The following LPP variants were observed in gnomAD, a reference collection of about 807,000 sequenced individuals.
The protein encoded by LPP is LIM domain containing preferred translocation partner in lipoma, also known as lipoma-preferred partner.
In LPP, 38 loss-of-function variants were observed where a neutral mutation model predicts 60.4. The observed-to-expected ratio is 0.63, with a 90% CI of 0.49 to 0.83. The LOEUF is 0.83. Ranked by LOEUF, LPP falls within the 40% of genes least tolerant of loss-of-function variation. The pLI is 0.00. For missense variants in LPP, 902 were observed against 783.6 expected, an observed-to-expected ratio of 1.15 and a Z score of -1.80; for synonymous variants, 328 against 290.8, an observed-to-expected ratio of 1.13 and a Z score of -1.30.
chr3:188,205,007 AGTACCTGCTACTTATT>A (rs1183581124), intron 1 of LPP, among the ~76,000 whole-genome samples: 1 of 152,238 alleles, frequency 6.6e-6, no homozygotes, highest in Non-Finnish European at 1.5e-5. Flanking sequence ...GAAAGAAACC[AGTACCTGCTACTTATT>A]GGGCACCTTT....
chr3:188,873,370 C>T (rs563569425), intron 11 of LPP, among the ~76,000 whole-genome samples: 2 of 152,232 alleles, frequency 1.3e-5, no homozygotes, highest in African/African-American at 4.8e-5. Context: ...ATAGCAGAGG[C>T]GAGGTTCATA....
chr3:188,422,650 G>T (rs1203480985), intron 4 of LPP, among the ~76,000 whole-genome samples: 1 of 152,126 alleles, frequency 6.6e-6, no homozygotes, highest in African/African-American at 2.4e-5. Flanking sequence ...AACCTAAAAT[G>T]CATGCCTTGT....
At chr3:188,683,263 T>C (rs947906643) in intron 7 of LPP, among the ~76,000 whole-genome samples, 2 of 151,940 alleles carry the variant, frequency 1.3e-5, no homozygotes, top group Admixed American at 1.3e-4. Context: ...TGACCGTGAG[T>C]CAGACTGTGG....
chr3:188,448,407 A>G (rs77631021), intron 4 of LPP, among the ~76,000 whole-genome samples: 4 of 4,988 alleles, frequency 8.0e-4, no homozygotes, highest in Non-Finnish European at 3.7e-3. Flanking sequence ...TATTTAGATA[A>G]AGATATCTAT....
In LPP at chr3:188,890,195, C is replaced by T. The variant is rs536634432; in HGVS notation, c.*15716C>T. On this transcript the variant is annotated 3_prime_UTR_variant, in exon 12 of 12. Transcript: ENST00000617246. ...AGAGCAGCACTTCCTACTAGCTAAG[C>T]ACAATCATAGCCCCACCGTGATGAG... 14 of 218,314 alleles carry T rather than the reference C, an allele frequency of 6.4e-5. No homozygotes were observed. Among genetic ancestry groups the T allele is most frequent in the Non-Finnish European group, 1.1e-4 (12 of 108,576 alleles). 13.5% of individuals were successfully genotyped at this position (218,314 alleles called of 1,614,324 possible).
At chr3:188,369,563 A>T (rs909678600) in intron 3 of LPP, among the ~76,000 whole-genome samples, 4 of 152,194 alleles carry the variant, frequency 2.6e-5, no homozygotes, top group African/African-American at 9.7e-5. Flanking sequence ...CTTGTAAACT[A>T]CAAAGCATCT....
At position 188,708,344 on chromosome 3, in the gene LPP, CA is replaced by C; in HGVS notation, c.1196del (p.Lys399ArgfsTer25). ...CAGAGGATGAGCTTGAGCACCTGACCAAAAAGATGCTGTATGACATGGAAAA... is the reference window on the plus strand; with the variant it reads ...CAGAGGATGAGCTTGAGCACCTGACCAAAAGATGCTGTATGACATGGAAAA... ...RPEDELEHLT[K>X]KMLYDMENPP... On this transcript the variant is annotated frameshift_variant, in exon 8 of 12. Transcript: ENST00000617246. LOFTEE classifies it high-confidence loss of function. 1 of 1,614,088 alleles carries C rather than the reference CA, an allele frequency of 6.2e-7. No homozygotes were observed. Among genetic ancestry groups the C allele is most frequent in the Non-Finnish European group, 8.5e-7 (1 of 1,179,994 alleles).
intron 9 of LPP, among the ~76,000 whole-genome samples, chr3:188,821,120 A>T (rs1054261800): frequency 2.0e-5 from 3 of 149,310 alleles, no homozygotes; most frequent in African/African-American, 7.4e-5. Context: ...GTAGCCTCTG[A>T]TTTTTTTTTC....
chr3:188,692,431 C>T (rs749620217), intron 7 of LPP, among the ~76,000 whole-genome samples: 2 of 152,198 alleles, frequency 1.3e-5, no homozygotes, highest in African/African-American at 2.4e-5. Flanking sequence ...ACTTGATGTA[C>T]TTTTTCGAGA....
chr3:188,697,004 A>G (rs1863390596), intron 7 of LPP, among the ~76,000 whole-genome samples: 1 of 152,164 alleles, frequency 6.6e-6, no homozygotes, highest in South Asian at 2.1e-4. Flanking sequence ...TTCTTTGGCT[A>G]TAAGCTTATC....
chr3:188,317,624 G>A (rs1401171793), intron 2 of LPP, among the ~76,000 whole-genome samples: 1 of 152,310 alleles, frequency 6.6e-6, no homozygotes, highest in East Asian at 1.9e-4. Flanking sequence ...CATTATTGCT[G>A]TCTTAGCCTG....
intron 4 of LPP, among the ~76,000 whole-genome samples, chr3:188,462,624 G>A (rs1204088999): frequency 8.0e-6 from 1 of 125,508 alleles, no homozygotes; most frequent in Non-Finnish European, 1.7e-5. Flanking sequence ...GTGTGTGTGT[G>A]TGTGTGTGTG....
intron 4 of LPP, among the ~76,000 whole-genome samples, chr3:188,453,679 T>C (rs1797110079): frequency 6.6e-6 from 1 of 152,064 alleles, no homozygotes; most frequent in Non-Finnish European, 1.5e-5. Context: ...ATATTTCTAC[T>C]TCCACAAATC....
At chr3:188,532,442 A>G (rs1275320673) in intron 6 of LPP, among the ~76,000 whole-genome samples, 7 of 152,284 alleles carry the variant, frequency 4.6e-5, no homozygotes, top group African/African-American at 1.4e-4. Context: ...CAATCAATCA[A>G]TCAATCAATA....
chr3:188,229,318 G>A (rs1577403529), intron 2 of LPP, among the ~76,000 whole-genome samples: 1 of 152,204 alleles, frequency 6.6e-6, no homozygotes, highest in East Asian at 1.9e-4. Context: ...CTAGCCCAGT[G>A]GGAGTCAGGA....
chr3:188,443,266 C>T (rs1378149154), intron 4 of LPP, among the ~76,000 whole-genome samples: 1 of 152,174 alleles, frequency 6.6e-6, no homozygotes, highest in African/African-American at 2.4e-5. Context: ...TCCTGCTTGC[C>T]ATTGAAAATA....
At chr3:188,453,357 G>A (rs1797021747) in intron 4 of LPP, among the ~76,000 whole-genome samples, 1 of 152,022 alleles carries the variant, frequency 6.6e-6, no homozygotes, top group African/African-American at 2.4e-5. Context: ...AGGCTGGAGT[G>A]TAGACCTGGG....
chr3:188,811,370 A>ACACACACACG (rs1553855624), intron 9 of LPP, among the ~76,000 whole-genome samples: 92 of 151,758 alleles, frequency 6.1e-4, no homozygotes, highest in African/African-American at 2.1e-3. Flanking sequence ...ACACACACAC[A>ACACACACACG]CACACACACA....
intron 5 of LPP, among the ~76,000 whole-genome samples, chr3:188,515,080 G>A (rs1328578141): frequency 7.9e-5 from 12 of 152,214 alleles, no homozygotes; most frequent in African/African-American, 2.4e-4. Flanking sequence ...TATGTTCTAT[G>A]TTGACGTTTG....
Sources: allele counts gnomAD v4.1 joint callset (sites outside exome capture counted in the v4.1 genomes callset), GRCh38; gene constraint gnomAD v4.1.1; transcripts MANE v1.5; gene names NCBI Gene and HGNC (gene_info 2026-07-23, HGNC 2026-07-21).